Variants in CTNNA2 observed in about 807,000 individuals in gnomAD.
The protein encoded by CTNNA2 is catenin alpha-2.
A neutral mutation model predicts 101.0 loss-of-function variants in CTNNA2; 42 were observed. The observed-to-expected ratio is 0.42, with a 90% CI of 0.32 to 0.54. CTNNA2 has a LOEUF of 0.54. Ranked by LOEUF, CTNNA2 falls within the 20% of genes least tolerant of loss-of-function variation. The probability of loss-of-function intolerance (pLI) is 0.14; values close to 1 mark genes in which losing one functional copy is unlikely to be tolerated. For missense variants in CTNNA2, 871 were observed against 1,223.1 expected (o/e 0.71, Z 4.29); for synonymous variants, 450 against 456.4 (o/e 0.99, Z 0.18).
At chr2:80,524,578 A>G (rs1559181037) in intron 9 of CTNNA2, among the ~76,000 whole-genome samples, 1 of 152,112 alleles carries the variant, frequency 6.6e-6, no homozygotes, top group Non-Finnish European at 1.5e-5. Context: ...AGTCACGTTG[A>G]ACTACTTGCC....
chr2:80,287,634 C>T (rs1674887798), intron 7 of CTNNA2, among the ~76,000 whole-genome samples: 1 of 152,134 alleles, frequency 6.6e-6, no homozygotes, highest in African/African-American at 2.4e-5. Flanking sequence ...CTCCCAACAC[C>T]TTGAAAGTCG....
Position 79,982,766 on chromosome 2 carries a change from G to C in CTNNA2, c.1056+72969G>C, listed in dbSNP as rs75545989. 4.9e-3 allele frequency among the ~76,000 whole-genome samples: 743 copies of C among 151,978 alleles called. 9 individuals are homozygous for C. The highest frequency in any genetic ancestry group is 0.017 in the African/African-American group (716 of 41,472). ...CTTTCACCTATTGATCTCCATTTTT[G>C]TGCTTTTACAGACATACAATTAGTT... is the stretch of plus-strand genomic sequence containing the variant. On this transcript the variant is annotated intron_variant, in intron 7 of 18. Coordinates refer to ENST00000402739, the MANE Select transcript of CTNNA2 (RefSeq NM_001282597.3).
intron 7 of CTNNA2, among the ~76,000 whole-genome samples, chr2:80,389,659 G>A (rs1463480273): frequency 1.3e-5 from 2 of 152,158 alleles, no homozygotes; most frequent in East Asian, 1.9e-4. Flanking sequence ...AAAGCTGAGC[G>A]TTGACAAGCT....
chr2:79,752,863 C>A (rs1478099145), intron 3 of CTNNA2, among the ~76,000 whole-genome samples: 1 of 151,874 alleles, frequency 6.6e-6, no homozygotes, highest in Non-Finnish European at 1.5e-5. Flanking sequence ...AGAGAAGGAG[C>A]CATAATTATA....
At chr2:79,699,832 CGT>C (rs1553453391) in intron 2 of CTNNA2, among the ~76,000 whole-genome samples, 1 of 137,462 alleles carries the variant, frequency 7.3e-6, no homozygotes. Flanking sequence ...CACACACACA[CGT>C]GTGTGTATAT....
chr2:79,656,506 T>C (rs1012481598), intron 2 of CTNNA2, among the ~76,000 whole-genome samples: 5 of 152,162 alleles, frequency 3.3e-5, no homozygotes, highest in Admixed American at 1.3e-4. Context: ...TAGAATTCTT[T>C]CACTGTCATG....
intron 3 of CTNNA2, among the ~76,000 whole-genome samples, chr2:79,775,932 A>T (rs1476430799): frequency 6.6e-6 from 1 of 152,194 alleles, no homozygotes; most frequent in Non-Finnish European, 1.5e-5. Context: ...CTTAACTCAC[A>T]GTATTCTCCA....
chr2:80,143,795 G>T (rs141482001), intron 7 of CTNNA2, among the ~76,000 whole-genome samples: 1 of 152,136 alleles, frequency 6.6e-6, no homozygotes, highest in African/African-American at 2.4e-5. Context: ...GTTCTGTTTT[G>T]CCAAATACTT....
In CTNNA2 at chr2:79,283,123, A is replaced by C. The variant is rs1675446359; in HGVS notation, c.-405-29586A>C. On this transcript the variant is annotated intron_variant, in intron 2 of 21. Transcript: ENST00000466387. ...TGGGGTTGTTTGTTTCTATCTAGTA[A>C]ATTTGTTTGAGTTCATTGTAGATTC... Among the ~76,000 whole-genome samples the C allele has an allele frequency of 3.4e-5, 3 of 89,244 alleles. 1 individual carries two copies. Among genetic ancestry groups the C allele is most frequent in the African/African-American group, 9.6e-5 (3 of 31,376 alleles). The allele number at this position is 89,244 out of a possible 152,430, so 58.5% of individuals were successfully genotyped here. A position where few individuals can be genotyped will look rare whatever the true frequency, so the allele number is the denominator to read the frequency against.
chr2:79,207,184 T>G (rs943796487), intron 2 of CTNNA2, among the ~76,000 whole-genome samples: 13 of 152,220 alleles, frequency 8.5e-5, no homozygotes, highest in African/African-American at 2.9e-4. Context: ...AAAACTAGAA[T>G]CTCAGCACTA....
intron 2 of CTNNA2, among the ~76,000 whole-genome samples, chr2:79,240,338 T>A (rs1305598013): frequency 6.6e-6 from 1 of 152,120 alleles, no homozygotes; most frequent in Non-Finnish European, 1.5e-5. Flanking sequence ...GCATAGTACC[T>A]GACAGGTAGT....
intron 7 of CTNNA2, among the ~76,000 whole-genome samples, chr2:80,040,520 C>T (rs1210951267): frequency 6.6e-6 from 1 of 152,184 alleles, no homozygotes; most frequent in Non-Finnish European, 1.5e-5. Context: ...CTGTACACTG[C>T]ATTTTCACCT....
chr2:80,636,015 T>A (rs1349111416), intron 18 of CTNNA2, among the ~76,000 whole-genome samples: 2 of 148,436 alleles, frequency 1.3e-5, no homozygotes, highest in Non-Finnish European at 3.0e-5. Flanking sequence ...TGCCTTTTCC[T>A]GGCTTTTACA....
chr2:80,031,490 G>T (rs554870857), intron 7 of CTNNA2, among the ~76,000 whole-genome samples: 1 of 152,260 alleles, frequency 6.6e-6, no homozygotes, highest in African/African-American at 2.4e-5. Flanking sequence ...CCTTGTAAAA[G>T]AATCAAATCT....
At chr2:80,594,296 C>A (rs961266804) in intron 15 of CTNNA2, among the ~76,000 whole-genome samples, 3 of 152,042 alleles carry the variant, frequency 2.0e-5, no homozygotes, top group Non-Finnish European at 4.4e-5. Flanking sequence ...TCCTTTGGAA[C>A]AATGTCTATC....
intron 4 of CTNNA2, among the ~76,000 whole-genome samples, chr2:79,451,399 A>T (rs948325077): frequency 6.6e-6 from 1 of 152,106 alleles, no homozygotes; most frequent in Non-Finnish European, 1.5e-5. Flanking sequence ...ATACATTTCA[A>T]TGTGTTATGA....
chr2:80,304,508 C>G (rs1258268602), intron 7 of CTNNA2: 1 of 153,330 alleles, frequency 6.5e-6, no homozygotes, highest in African/African-American at 2.4e-5. Context: ...GGTTAATGTC[C>G]GTCATTGGAA....
At chr2:79,996,669 A>G (rs1308846333) in intron 7 of CTNNA2, among the ~76,000 whole-genome samples, 1 of 152,148 alleles carries the variant, frequency 6.6e-6, no homozygotes, top group African/African-American at 2.4e-5. Flanking sequence ...GCCCCTTTGG[A>G]AAAGCCTTGA....
chr2:79,495,365 GA>G (rs1671245836), intron 4 of CTNNA2, among the ~76,000 whole-genome samples: 1 of 152,126 alleles, frequency 6.6e-6, no homozygotes, highest in African/African-American at 2.4e-5. Flanking sequence ...AAGCACACAT[GA>G]AAAGATGCTT....
Sources: gnomAD v4.1 joint callset for allele counts (sites outside exome capture counted in the v4.1 genomes callset) on GRCh38, gnomAD v4.1.1 for gene constraint, MANE v1.5 for transcripts, NCBI Gene and HGNC (gene_info 2026-07-23, HGNC 2026-07-21) for gene names.